The following RAB10 variants were observed in gnomAD, a reference collection of about 807,000 sequenced individuals.
RAB10 encodes the protein ras-related protein Rab-10.
RAB10 carries 5 observed loss-of-function variants against 25.7 expected under a neutral mutation model. That is an observed-to-expected ratio of 0.19 (90% CI 0.10 to 0.41). The LOEUF is 0.41. RAB10 is among the 10% of genes least tolerant of loss of function. RAB10 has a pLI of 1.00. For synonymous variants in RAB10, 89 were observed against 86.4 expected, an observed-to-expected ratio of 1.03 and a Z score of -0.16; for missense variants, 103 against 245.8, an observed-to-expected ratio of 0.42 and a Z score of 3.89.
chr2:26,131,143 TA>T (rs1173163983), intron 5 of RAB10, among the ~76,000 whole-genome samples: 1 of 151,990 alleles, frequency 6.6e-6, no homozygotes, highest in Admixed American at 6.6e-5. Context: ...ATGAGTATAC[TA>T]TTAAATAAAG....
intron 1 of RAB10, among the ~76,000 whole-genome samples, chr2:26,055,118 C>T (rs1666229170): frequency 6.6e-6 from 1 of 151,840 alleles, no homozygotes; most frequent in Non-Finnish European, 1.5e-5. Context: ...ATGTTAGGCA[C>T]CCTCTACTAA....
chr2:26,057,207 C>T (rs1394750235), intron 1 of RAB10, among the ~76,000 whole-genome samples: 2 of 152,050 alleles, frequency 1.3e-5, no homozygotes, highest in Non-Finnish European at 2.9e-5. Flanking sequence ...AGAATCTAGT[C>T]TTGAGAAATA....
Position 26,098,678 on chromosome 2 carries a change from C to A in RAB10, c.144C>A (p.Ile48=). 1 of 1,592,728 alleles carries A rather than the reference C, an allele frequency of 6.3e-7. No homozygotes were observed. The highest frequency in any genetic ancestry group is 8.6e-7 in the Non-Finnish European group (1 of 1,162,092). The part of the protein sequence containing the change: ...FISTIGIDFK[I]KTVELQGKKI... Reference sequence around the variant, plus strand: ...GCATTGTAGGAATAGACTTCAAGATCAAAACAGTTGAATTACAAGGAAAGA... The same window carrying A: ...GCATTGTAGGAATAGACTTCAAGATAAAAACAGTTGAATTACAAGGAAAGA... Residue 48 remains isoleucine, a synonymous_variant, in exon 2 of 6, where the codon ATC becomes ATA. Transcript: ENST00000264710.
intron 3 of RAB10, among the ~76,000 whole-genome samples, chr2:26,126,936 A>C (rs907384673): frequency 6.6e-6 from 1 of 152,192 alleles, no homozygotes. Context: ...AGTATTTGAC[A>C]TGGATATGTC....
At chr2:26,057,397 C>G (rs1335484506) in intron 1 of RAB10, among the ~76,000 whole-genome samples, 2 of 150,344 alleles carry the variant, frequency 1.3e-5, no homozygotes, top group Non-Finnish European at 3.0e-5. Flanking sequence ...CTATGAATAG[C>G]CATTGCATTC....
intron 1 of RAB10, among the ~76,000 whole-genome samples, chr2:26,093,881 T>C (rs1667157566): frequency 6.6e-6 from 1 of 152,206 alleles, no homozygotes; most frequent in African/African-American, 2.4e-5. Context: ...CTACCTTGTT[T>C]TTGTTTTTCT....
intron 5 of RAB10, among the ~76,000 whole-genome samples, chr2:26,132,395 A>G (rs1341953109): frequency 6.6e-6 from 1 of 152,164 alleles, no homozygotes; most frequent in Non-Finnish European, 1.5e-5. Context: ...CGGGGATTAC[A>G]GGAGCCCGCC....
At chr2:26,113,415 A>C (rs1317231714) in intron 3 of RAB10, among the ~76,000 whole-genome samples, 1 of 152,068 alleles carries the variant, frequency 6.6e-6, no homozygotes, top group African/African-American at 2.4e-5. Context: ...CTCTACTAAA[A>C]ATACAAAAAT....
At chr2:26,072,340 C>T (rs967736273) in intron 1 of RAB10, among the ~76,000 whole-genome samples, 6 of 151,998 alleles carry the variant, frequency 3.9e-5, no homozygotes, top group Admixed American at 6.6e-5. Flanking sequence ...CACTTGAACA[C>T]GGGAGGTGGG....
intron 3 of RAB10, among the ~76,000 whole-genome samples, chr2:26,125,002 T>C (rs777985566): frequency 2.0e-5 from 3 of 152,244 alleles, no homozygotes; most frequent in Non-Finnish European, 4.4e-5. Flanking sequence ...GTTTATTCAT[T>C]CACCCATTGT....
chr2:26,086,207 A>T (rs1245764194), intron 1 of RAB10, among the ~76,000 whole-genome samples: 1 of 151,998 alleles, frequency 6.6e-6, no homozygotes, highest in Non-Finnish European at 1.5e-5. Context: ...AATCCCAACT[A>T]CTTGGGAGGC....
In RAB10 at chr2:26,135,912, A is replaced by G. The variant is rs1668102853; in HGVS notation, c.*891A>G. 2 of 152,598 alleles carry G rather than the reference A, an allele frequency of 1.3e-5. No individual in the cohort carries two copies. The highest frequency in any genetic ancestry group is 1.3e-4 in the Admixed American group (2 of 15,288). The allele number at this position is 152,598 out of a possible 1,614,324, so 9.5% of individuals were successfully genotyped here. A position where few individuals can be genotyped will look rare whatever the true frequency, so the allele number is the denominator to read the frequency against. ...AGCACTGATGTAACTTGCTAGGTAA[A>G]CGGAAAGATAAGTTCTAACTGCCTA... On this transcript the variant is annotated 3_prime_UTR_variant, in exon 6 of 6. Coordinates refer to ENST00000264710, the MANE Select transcript of RAB10 (RefSeq NM_016131.5).
chr2:26,073,807 G>A (rs565753633), intron 1 of RAB10, among the ~76,000 whole-genome samples: 4 of 152,170 alleles, frequency 2.6e-5, no homozygotes, highest in Non-Finnish European at 5.9e-5. Context: ...TCGAGCTCAA[G>A]TGTTATGAAG....
intron 1 of RAB10, 23 bp from the exon 2 acceptor site, chr2:26,098,639 T>G (rs982884949): frequency 2.6e-6 from 4 of 1,534,642 alleles, no homozygotes; most frequent in East Asian, 4.5e-5. Context: ...CAGTTACAGT[T>G]TACCTTTTTT....
At chr2:26,134,483 T>C (rs1001867828) in intron 5 of RAB10, among the ~76,000 whole-genome samples, 1 of 152,176 alleles carries the variant, frequency 6.6e-6, no homozygotes, top group Non-Finnish European at 1.5e-5. Context: ...ACTTAATCAG[T>C]TGAGGTTGCC....
At chr2:26,040,784 T>C (rs1665867104) in intron 1 of RAB10, among the ~76,000 whole-genome samples, 1 of 152,196 alleles carries the variant, frequency 6.6e-6, no homozygotes, top group Non-Finnish European at 1.5e-5. Flanking sequence ...TTAAGTTTCT[T>C]ATTGGCTATG....
Position 26,102,443 on chromosome 2 carries a change from T to C in RAB10, c.188+3721T>C, listed in dbSNP as rs112410349. Among the ~76,000 whole-genome samples the C allele has an allele frequency of 3.7e-3, 547 of 147,446 alleles. 9 individuals carry two copies. Among genetic ancestry groups the C allele is most frequent in the Admixed American group, 0.02 (300 of 14,918 alleles). ...TTTTTTTTTTCTTTTTTCTTTCTTT[T>C]TTTTTTTTTTTTTGAGACGGAGTCT... On this transcript the variant is annotated intron_variant, in intron 2 of 5. Coordinates refer to ENST00000264710, the MANE Select transcript of RAB10 (RefSeq NM_016131.5).
At chr2:26,069,183 A>G (rs1666575233) in intron 1 of RAB10, among the ~76,000 whole-genome samples, 1 of 152,154 alleles carries the variant, frequency 6.6e-6, no homozygotes, top group African/African-American at 2.4e-5. Flanking sequence ...CAGTAGAACC[A>G]TGGTTGAGGC....
At chr2:26,097,439 A>G (rs1667245916) in intron 1 of RAB10, among the ~76,000 whole-genome samples, 1 of 151,924 alleles carries the variant, frequency 6.6e-6, no homozygotes, top group Non-Finnish European at 1.5e-5. Context: ...ACACCTGGGC[A>G]TGGTATTTTT....
Sources: allele counts gnomAD v4.1 joint callset (sites outside exome capture counted in the v4.1 genomes callset), GRCh38; gene constraint gnomAD v4.1.1; transcripts MANE v1.5; gene names NCBI Gene and HGNC (gene_info 2026-07-23, HGNC 2026-07-21).